The following CHCT1 variants were observed in gnomAD, a reference collection of about 807,000 sequenced individuals.
CHCT1 encodes the protein CHD1 helical C-terminal domain containing 1.
chr17:60,427,650 G>A, the CHCT1 span, among the ~76,000 whole-genome samples: 846 of 152,196 alleles, frequency 5.6e-3, 6 homozygotes, highest in African/African-American at 0.02. Context: ...CTGACCTCAG[G>A]TGATCTGCCC....
chr17:60,429,860 T>C, the CHCT1 span, among the ~76,000 whole-genome samples: 1 of 152,122 alleles, frequency 6.6e-6, no homozygotes, highest in Non-Finnish European at 1.5e-5. Context: ...AGTCTCGCTC[T>C]GTCACCCAGG....
the CHCT1 span, chr17:60,426,922 T>C: frequency 6.6e-7 from 1 of 1,518,716 alleles, no homozygotes; most frequent in Non-Finnish European, 8.8e-7. Flanking sequence ...CCTCTGGTCC[T>C]TCCCAGGGCT....
the CHCT1 span, chr17:60,431,187 T>C: frequency 6.3e-7 from 1 of 1,597,078 alleles, no homozygotes; most frequent in Admixed American, 1.7e-5. Flanking sequence ...TCAGATTCTT[T>C]AAGGGAGCTT....
At chr17:60,421,617 G>C in the CHCT1 span, 1 of 978,434 alleles carries the variant, frequency 1.0e-6, no homozygotes, top group Non-Finnish European at 1.2e-6. Flanking sequence ...TCTCGTCGCC[G>C]GGACCCCGCC....
the CHCT1 span, among the ~76,000 whole-genome samples, chr17:60,423,064 C>T: frequency 1.3e-5 from 2 of 152,150 alleles, no homozygotes; most frequent in African/African-American, 2.4e-5. Flanking sequence ...TTGTTCTCCC[C>T]GAACACAGAC....
chr17:60,426,483 C>T, the CHCT1 span: 1 of 1,065,538 alleles, frequency 9.4e-7, no homozygotes, highest in African/African-American at 1.6e-5. Context: ...CTCCTAGTCA[C>T]TCAGGACAGC....
chr17:60,425,749 A>G, the CHCT1 span: 26 of 1,490,934 alleles, frequency 1.7e-5, no homozygotes, highest in African/African-American at 2.2e-4. Context: ...TAACGGTCCA[A>G]TCCCCCGGCT....
At chr17:60,426,746 T>G in the CHCT1 span, 1 of 1,611,482 alleles carries the variant, frequency 6.2e-7, no homozygotes, top group South Asian at 1.1e-5. Context: ...CTCCCTCTTC[T>G]CGGAGCTGGA....
the CHCT1 span, chr17:60,429,563 G>A: frequency 6.2e-7 from 1 of 1,613,138 alleles, no homozygotes; most frequent in South Asian, 1.1e-5. Context: ...GAAAGGTAAT[G>A]ACCATTTGGT....
chr17:60,429,356 TG>T, the CHCT1 span: 1 of 1,612,584 alleles, frequency 6.2e-7, no homozygotes, highest in African/African-American at 1.3e-5. Context: ...GGAGGCTCCA[TG>T]GCAGGTGACA....
the CHCT1 span, chr17:60,426,539 C>T: frequency 2.7e-6 from 3 of 1,096,366 alleles, no homozygotes; most frequent in South Asian, 3.2e-5. Flanking sequence ...TGCAGGCGCT[C>T]AATACCAGGA....
At chr17:60,425,836 C>G in the CHCT1 span, 1 of 1,551,766 alleles carries the variant, frequency 6.4e-7, no homozygotes, top group East Asian at 2.4e-5. Flanking sequence ...CTGCTAGAGA[C>G]TCGCTCATGC....
At chr17:60,430,898 G>A in the CHCT1 span, among the ~76,000 whole-genome samples, 5 of 152,210 alleles carry the variant, frequency 3.3e-5, no homozygotes, top group Non-Finnish European at 7.3e-5. Context: ...AGAGGTCGAG[G>A]AAACTCGGGT....
At chr17:60,427,748 C>T in the CHCT1 span, among the ~76,000 whole-genome samples, 1 of 151,994 alleles carries the variant, frequency 6.6e-6, no homozygotes, top group African/African-American at 2.4e-5. Context: ...ATAGGTTTTG[C>T]CAAAGGTATG....
At chr17:60,426,715 C>T in the CHCT1 span, 11 of 1,608,900 alleles carry the variant, frequency 6.8e-6, no homozygotes, top group Non-Finnish European at 6.8e-6. Flanking sequence ...TCCCCCTTTG[C>T]AGGATGCTCT....
the CHCT1 span, among the ~76,000 whole-genome samples, chr17:60,427,567 A>C: frequency 3.3e-4 from 50 of 152,070 alleles, no homozygotes; most frequent in Admixed American, 5.2e-4. Context: ...ACAGGTGCAC[A>C]CCACTGTGCC....
the CHCT1 span, chr17:60,426,448 C>A: frequency 1.6e-6 from 2 of 1,248,330 alleles, no homozygotes; most frequent in Non-Finnish European, 1.1e-6. Flanking sequence ...GTGGAGGAGT[C>A]AAGAGCCTGA....
At chr17:60,426,365 A>G in the CHCT1 span, 3 of 1,530,226 alleles carry the variant, frequency 2.0e-6, no homozygotes, top group Non-Finnish European at 2.6e-6. Context: ...TCTGCTCCCC[A>G]TACCTACTCC....
chr17:60,425,485 C>T, the CHCT1 span, among the ~76,000 whole-genome samples: 2 of 152,182 alleles, frequency 1.3e-5, no homozygotes, highest in Admixed American at 6.5e-5. Flanking sequence ...CAACATCTAA[C>T]CTGACAGAAT....
Sources: allele counts gnomAD v4.1 joint callset (sites outside exome capture counted in the v4.1 genomes callset), GRCh38; gene constraint gnomAD v4.1.1; transcripts MANE v1.5; gene names NCBI Gene and HGNC (gene_info 2026-07-23, HGNC 2026-07-21).